Variants in SLX4 observed in about 807,000 individuals in gnomAD.
SLX4 encodes SLX4 structure-specific endonuclease subunit, also known as structure-specific endonuclease subunit SLX4.
SLX4 carries 112 observed loss-of-function variants against 146.2 expected under a neutral mutation model. That is an observed-to-expected ratio of 0.77 (90% CI 0.66 to 0.90). SLX4 has a LOEUF of 0.90. Among genes scored for constraint, SLX4 ranks in the 40% least tolerant of loss-of-function variants. The pLI is 0.00. For missense variants in SLX4, 2,563 were observed against 2,392.7 expected, an observed-to-expected ratio of 1.07 and a Z score of -1.49; for synonymous variants, 1,061 against 997.7, an observed-to-expected ratio of 1.06 and a Z score of -1.20.
At position 3,582,796 on chromosome 16, in the gene SLX4, C is replaced by G. The variant is rs1429391581; in HGVS notation, c.5154-103G>C. The G allele has an allele frequency of 2.3e-5, 26 of 1,134,926 alleles. No homozygotes were observed. The South Asian group carries it at 3.2e-4, about 14-fold the overall frequency. 70.3% of individuals were successfully genotyped at this position (1,134,926 alleles called of 1,614,324 possible). A position where few individuals can be genotyped will look rare whatever the true frequency, so the allele number is the denominator to read the frequency against. On this transcript the variant is annotated intron_variant, in intron 14 of 14. Transcript: ENST00000294008. ...GAAGGTGTCTACGGGTCCCATGGAG[C>G]CTGGCCTGTGGCACGATCCCCAGCA...
In SLX4 at chr16:3,589,958, C is replaced by A. The variant is rs192144067; in HGVS notation, c.3680G>T (p.Gly1227Val). 1 of 1,613,776 alleles carries A rather than the reference C, an allele frequency of 6.2e-7. No individual in the cohort carries two copies. The highest frequency in any genetic ancestry group is 1.3e-5 in the African/African-American group (1 of 74,858). Residue 1227 changes from glycine to valine, a missense_variant, in exon 12 of 15, where the codon GGC (glycine) becomes GTC (valine). Transcript: ENST00000294008. This position sits in a 1 kb window ranked among gnomAD's most constrained non-coding sequence, Gnocchi z 6.2. The part of the protein sequence containing the change: ...EDEGALPENR[G>V]SLGRRGAPWL... ...GGGAGCCCCTCTCCTGCCCAAAGAG[C>A]CCCGATTCTCCGGCAGCGCCCCCTC...
intron 12 of SLX4, among the ~76,000 whole-genome samples, chr16:3,585,466 G>A (rs2040497090): frequency 6.6e-6 from 1 of 151,594 alleles, no homozygotes; most frequent in African/African-American, 2.4e-5. Flanking sequence ...GGCGCCTGTA[G>A]TCCCAGCTGC....
chr16:3,588,314 T>C (rs892287476), intron 12 of SLX4, among the ~76,000 whole-genome samples: 2 of 152,238 alleles, frequency 1.3e-5, no homozygotes, highest in Admixed American at 6.5e-5. Flanking sequence ...TTCATATCCA[T>C]GAGTGCAGAC....
intron 11 of SLX4, 51 bp from the exon 12 acceptor site, chr16:3,591,361 C>G (rs1424731516): frequency 3.7e-6 from 6 of 1,601,754 alleles, no homozygotes; most frequent in Non-Finnish European, 4.2e-6. Flanking sequence ...GAGATGGGCT[C>G]TGGGTGCCCC....
rs886051980 is a variant in SLX4 at position 3,597,839 on chromosome 16, T to G, written c.1324A>C (p.Arg442=). ...CTCTCAGAAAAGGCACTTTCCAGCC[T>G]GAGCGCTGGTACAGCCGCACCCGGC... ...MEPGAAVPAL[R]LESAFSERIR... Residue 442 remains arginine (R), a synonymous_variant, in exon 6 of 15, where the codon AGG becomes CGG. Transcript: ENST00000294008. The surrounding 1 kb of genome is among the most constrained non-coding windows in gnomAD (Gnocchi z 4.4). 4.3e-6 allele frequency: 7 copies of G among 1,614,138 alleles called. No individual in the cohort carries two copies. The highest frequency in any genetic ancestry group is 5.9e-6 in the Non-Finnish European group (7 of 1,180,028).
rs1386267334 is a variant in SLX4 at position 3,581,246 on chromosome 16, A to T, written c.*1096T>A. The stretch of plus-strand genomic sequence containing the variant: ...ACTGACTGCACTGTATTTGAAACAG[A>T]CGAGGACATTCACAAGGATGGAGAA... On this transcript the variant is annotated 3_prime_UTR_variant, in exon 15 of 15. Coordinates refer to ENST00000294008, the MANE Select transcript of SLX4 (RefSeq NM_032444.4). 1 of 152,696 alleles carries T rather than the reference A, an allele frequency of 6.5e-6. No individual in the cohort carries two copies. The highest frequency in any genetic ancestry group is 1.5e-5 in the Non-Finnish European group (1 of 68,066). The allele number at this position is 152,696 out of a possible 1,614,324, so 9.5% of individuals were successfully genotyped here. A position where few individuals can be genotyped will look rare whatever the true frequency, so the allele number is the denominator to read the frequency against.
Position 3,582,333 on chromosome 16 carries a change from A to C in SLX4, c.*9T>G. ...GATGGCAGGTTGGGGTGGGGTCGGGATGGCCCCATCAGTTCCGCTCCACCT... is the reference window on the plus strand; with the variant it reads ...GATGGCAGGTTGGGGTGGGGTCGGGCTGGCCCCATCAGTTCCGCTCCACCT... On this transcript the variant is annotated 3_prime_UTR_variant, in exon 15 of 15. Coordinates refer to ENST00000294008, the MANE Select transcript of SLX4 (RefSeq NM_032444.4). 1 of 1,607,396 alleles carries C rather than the reference A, an allele frequency of 6.2e-7. No individual in the cohort carries two copies.
chr16:3,611,127 A>G (rs1271976617), intron 1 of SLX4, among the ~76,000 whole-genome samples: 1 of 152,194 alleles, frequency 6.6e-6, no homozygotes, highest in Non-Finnish European at 1.5e-5. Flanking sequence ...CTTCGTACCT[A>G]CCGCAGCCCA....
Position 3,608,562 on chromosome 16 carries a change from G to A in SLX4, c.403C>T (p.His135Tyr), listed in dbSNP as rs1441922861. 6.2e-7 allele frequency: 1 copy of A among 1,614,146 alleles called. No homozygotes were observed. Among genetic ancestry groups the A allele is most frequent in the South Asian group, 1.1e-5 (1 of 91,082 alleles). The change falls in exon 2 of 15, where the codon CAC (histidine) becomes TAC (tyrosine). Residue 135 changes from histidine (H) to tyrosine (Y), a missense_variant. His to Tyr is a moderately conservative substitution (Grantham distance 83). Coordinates refer to ENST00000294008, the MANE Select transcript of SLX4 (RefSeq NM_032444.4). Reference protein sequence around the residue: ...VTKWQASEPAHSVNGEGGVLA... With the variant: ...VTKWQASEPAYSVNGEGGVLA... ...ACACCCCCCTCCCCATTCACAGAGTGGGCCGGTTCACTTGCTTGCCATTTG... is the reference window on the plus strand; with the variant it reads ...ACACCCCCCTCCCCATTCACAGAGTAGGCCGGTTCACTTGCTTGCCATTTG...
At chr16:3,593,365 C>T (rs998401355) in intron 10 of SLX4, among the ~76,000 whole-genome samples, 2 of 152,204 alleles carry the variant, frequency 1.3e-5, no homozygotes, top group Non-Finnish European at 2.9e-5. Flanking sequence ...TGAGCCACTG[C>T]GCCCAGCCCC....
chr16:3,600,558 G>T, intron 5 of SLX4: 1 of 207,804 alleles, frequency 4.8e-6, no homozygotes, highest in Non-Finnish European at 9.5e-6. Flanking sequence ...CAGAATCAAA[G>T]AGGGCTCTTT....
intron 10 of SLX4, among the ~76,000 whole-genome samples, chr16:3,594,158 C>T (rs555333751): frequency 2.0e-5 from 3 of 152,146 alleles, no homozygotes; most frequent in Non-Finnish European, 2.9e-5. Flanking sequence ...TGAGCCACCG[C>T]GCCCGGCCAA....
Position 3,590,808 on chromosome 16 carries a change from G to C in SLX4, c.2830C>G (p.Pro944Ala). 6.2e-7 allele frequency: 1 copy of C among 1,614,016 alleles called. No individual in the cohort carries two copies. The highest frequency in any genetic ancestry group is 8.5e-7 in the Non-Finnish European group (1 of 1,179,998). The change falls in exon 12 of 15, where the codon CCT becomes GCT. Residue 944 changes from proline to alanine, a missense_variant. Coordinates refer to ENST00000294008, the MANE Select transcript of SLX4 (RefSeq NM_032444.4). This position sits in a 1 kb window ranked among gnomAD's most constrained non-coding sequence, Gnocchi z 4.8. ...QHSGARGAEA[P>A]EQEAPEEALG... ...GCCTCCTCTGGCGCCTCCTGCTCAG[G>C]GGCCTCTGCTCCCCGTGCCCCTGAG... is the stretch of plus-strand genomic sequence containing the variant.
At chr16:3,598,386 G>A (rs979510974) in intron 5 of SLX4, among the ~76,000 whole-genome samples, 2 of 152,132 alleles carry the variant, frequency 1.3e-5, no homozygotes, top group African/African-American at 2.4e-5. Context: ...CTCCTTACAC[G>A]GTCCTGGCCA....
rs752481678 is a variant in SLX4, at chr16:3,589,128, T to C, written c.4510A>G (p.Ser1504Gly). ...GAGSLGNSRP[S>G]FLNSALWDVW... ...TCCCACAGAGCCGAATTCAGAAAGCTCGGCCTGCTATTCCCCAGGGAGCCC... is the reference window on the plus strand; with the variant it reads ...TCCCACAGAGCCGAATTCAGAAAGCCCGGCCTGCTATTCCCCAGGGAGCCC... The change falls in exon 12 of 15, where the codon AGC (serine) becomes GGC (glycine). Residue 1504 changes from serine to glycine, a missense_variant. Ser to Gly is a moderately conservative substitution (Grantham distance 56). Coordinates refer to ENST00000294008, the MANE Select transcript of SLX4 (RefSeq NM_032444.4). This position sits in a 1 kb window ranked among gnomAD's most constrained non-coding sequence, Gnocchi z 6.2. The C allele has an allele frequency of 6.2e-7, 1 of 1,614,062 alleles. No homozygotes were observed. The highest frequency in any genetic ancestry group is 1.1e-5 in the South Asian group (1 of 91,084).
chr16:3,597,404 G>A lies in SLX4; in HGVS notation c.1658C>T (p.Pro553Leu). The A allele has an allele frequency of 1.3e-6, 2 of 1,594,812 alleles. No individual in the cohort carries two copies. The highest frequency in any genetic ancestry group is 1.7e-6 in the Non-Finnish European group (2 of 1,170,064). Residue 553 changes from proline (P) to leucine (L), a missense_variant, in exon 7 of 15, where the codon CCT becomes CTT. By Grantham distance (98) the Pro-to-Leu change is moderately conservative. Coordinates refer to ENST00000294008, the MANE Select transcript of SLX4 (RefSeq NM_032444.4). This position sits in a 1 kb window ranked among gnomAD's most constrained non-coding sequence, Gnocchi z 4.4. ...CTGGGCAGGCCGCTGGGGCACGAGAGGAGGGACCAGCCTGGCCGTGTAGAA... is the reference window on the plus strand; with the variant it reads ...CTGGGCAGGCCGCTGGGGCACGAGAAGAGGGACCAGCCTGGCCGTGTAGAA... ...EDFYTARLVP[P>L]LVPQRPAQGL...
intron 3 of SLX4, among the ~76,000 whole-genome samples, chr16:3,602,806 G>T (rs889066836): frequency 3.9e-5 from 6 of 152,220 alleles, no homozygotes; most frequent in Non-Finnish European, 5.9e-5. Flanking sequence ...CCAGGGCAGA[G>T]TGAAATGCCT....
rs748607152 is a variant in SLX4 at position 3,589,961 on chromosome 16, C to T, written c.3677G>A (p.Arg1226Gln). The T allele has an allele frequency of 2.7e-5, 44 of 1,613,706 alleles. No homozygotes were observed. The highest frequency in any genetic ancestry group is 5.0e-5 in the Admixed American group (3 of 59,962). Residue 1226 changes from arginine to glutamine, a missense_variant, in exon 12 of 15, where the codon CGG (arginine) becomes CAG (glutamine). Transcript: ENST00000294008. The surrounding 1 kb of genome is among the most constrained non-coding windows in gnomAD (Gnocchi z 6.2). ...AGCCCCTCTCCTGCCCAAAGAGCCC[C>T]GATTCTCCGGCAGCGCCCCCTCATC... ...QEDEGALPEN[R>Q]GSLGRRGAPW...
chr16:3,587,203 T>C (rs2040516893), intron 12 of SLX4, among the ~76,000 whole-genome samples: 1 of 152,136 alleles, frequency 6.6e-6, no homozygotes, highest in Non-Finnish European at 1.5e-5. Context: ...GCTGTTACTT[T>C]AAAAAATAAT....
Sources: allele counts gnomAD v4.1 joint callset (sites outside exome capture counted in the v4.1 genomes callset), GRCh38; gene constraint gnomAD v4.1.1; non-coding constraint Gnocchi (gnomAD v3.1); transcripts MANE v1.5; gene names NCBI Gene and HGNC (gene_info 2026-07-23, HGNC 2026-07-21).